The following MCF2 variants were observed in gnomAD, a reference collection of about 807,000 sequenced individuals.
MCF2 encodes the protein proto-oncogene DBL.
MCF2 carries 44 observed loss-of-function variants against 82.5 expected under a neutral mutation model. The observed-to-expected ratio is 0.53, with a 90% confidence interval of 0.42 to 0.69. The LOEUF (loss-of-function observed/expected upper bound fraction) is 0.69. Ranked by LOEUF, MCF2 falls within the 30% of genes least tolerant of loss-of-function variation. The probability of loss-of-function intolerance (pLI) is 0.00; values close to 1 mark genes in which losing one functional copy is unlikely to be tolerated. For missense variants in MCF2, 623 were observed against 663.1 expected, an observed-to-expected ratio of 0.94 and a Z score of 0.66; for synonymous variants, 217 against 224.9, an observed-to-expected ratio of 0.96 and a Z score of 0.32.
At chrX:139,619,827 T>C (rs1422366356) in intron 6 of MCF2, 121 bp from the exon 10 acceptor site, 8 of 509,892 alleles carry the variant, frequency 1.6e-5, no homozygotes, top group Non-Finnish European at 2.4e-5. Context: ...ATAAAAAATT[T>C]GGTTATTTTA....
At chrX:139,694,938 A>G (rs1233713819) in intron 1 of MCF2, among the ~76,000 whole-genome samples, 1 of 109,129 alleles carries the variant, frequency 9.2e-6, no homozygotes, top group Non-Finnish European at 1.9e-5. Flanking sequence ...TATCAATGCC[A>G]ATATTCTGCT....
Position 139,640,755 on chromosome X carries a change from T to C in MCF2, c.51+1713A>G, listed in dbSNP as rs370775581. On this transcript the variant is annotated intron_variant, in intron 1 of 24. Coordinates refer to ENST00000370576, the Ensembl canonical transcript of MCF2. ...GTCCTATCCATATAAGGAAAGCATATGTGTCTTCTACTATAGTTCTAGGCT... is the reference window on the plus strand; with the variant it reads ...GTCCTATCCATATAAGGAAAGCATACGTGTCTTCTACTATAGTTCTAGGCT... Among the ~76,000 whole-genome samples, 3 of 111,185 alleles carry C rather than the reference T, an allele frequency of 2.7e-5. No individual in the cohort carries two copies. The South Asian group carries it at 1.1e-3, about 43-fold the overall frequency.
intron 10 of MCF2, among the ~76,000 whole-genome samples, chrX:139,613,937 T>C (rs1201206863): frequency 9.0e-6 from 1 of 111,283 alleles, no homozygotes; most frequent in Non-Finnish European, 1.9e-5. Flanking sequence ...TTTGAAAATC[T>C]GATCCATGCT....
intron 1 of MCF2, among the ~76,000 whole-genome samples, chrX:139,653,285 C>A (rs1476677159): frequency 8.9e-6 from 1 of 111,959 alleles, no homozygotes; most frequent in Non-Finnish European, 1.9e-5. Context: ...GAGGAGCCTG[C>A]AAAAGTGGCA....
exon 19 of MCF2, chrX:139,596,559 T>C: frequency 8.3e-7 from 1 of 1,201,952 alleles, no homozygotes; most frequent in Non-Finnish European, 1.1e-6. Context: ...TTTCCAACAG[T>C]GTTTAAAACT....
intron 1 of MCF2, among the ~76,000 whole-genome samples, chrX:139,707,740 T>G (rs1186381198): frequency 9.0e-6 from 1 of 111,654 alleles, no homozygotes; most frequent in Admixed American, 9.6e-5. Flanking sequence ...GCACACCAGA[T>G]TTGTTATACT....
chrX:139,592,445 T>C (rs940696416), intron 19 of MCF2, among the ~76,000 whole-genome samples: 1 of 111,616 alleles, frequency 9.0e-6, no homozygotes, highest in African/African-American at 3.3e-5. Flanking sequence ...AAATTAAAGG[T>C]AAAATAGAAA....
intron 1 of MCF2, among the ~76,000 whole-genome samples, chrX:139,634,701 C>T (rs1394120864): frequency 8.9e-6 from 1 of 111,956 alleles, no homozygotes; most frequent in Non-Finnish European, 1.9e-5. Context: ...ATCTGAGAAA[C>T]GACTCCCCCT....
intron 1 of MCF2, among the ~76,000 whole-genome samples, chrX:139,689,803 G>A (rs1359554939): frequency 9.1e-6 from 1 of 109,926 alleles, no homozygotes; most frequent in African/African-American, 3.3e-5. Context: ...CCTAAGTGAA[G>A]CCAATCATTT....
intron 10 of MCF2, among the ~76,000 whole-genome samples, 170 bp downstream of exon 13, chrX:139,614,711 G>A (rs1198367380): frequency 1.8e-5 from 2 of 111,472 alleles, no homozygotes; most frequent in Non-Finnish European, 3.8e-5. Context: ...TTTTAGTACT[G>A]TACAATAACC....
At chrX:139,598,287 C>T (rs1219469555) in intron 17 of MCF2, 119 bp downstream of exon 21, 4 of 465,311 alleles carry the variant, frequency 8.6e-6, no homozygotes, top group Non-Finnish European at 1.4e-5. Context: ...CAAATCCAGC[C>T]TTCCCAGTCA....
At chrX:139,626,393 T>G (rs1932761719) in intron 5 of MCF2, 86 bp from the exon 9 acceptor site, 7 of 626,714 alleles carry the variant, frequency 1.1e-5, no homozygotes, top group Middle Eastern at 4.7e-4. Flanking sequence ...ACATTAAGAA[T>G]TATAGGCAAA....
At chrX:139,607,907 A>AT (rs1435130073) in intron 11 of MCF2, 128 bp from the exon 16 acceptor site, 2 of 443,803 alleles carry the variant, frequency 4.5e-6, no homozygotes, top group African/African-American at 5.0e-5. Context: ...TAAAACTATG[A>AT]TTTTTTTCAA....
chrX:139,653,192 A>G (rs1376594524), intron 1 of MCF2, among the ~76,000 whole-genome samples: 2 of 112,186 alleles, frequency 1.8e-5, no homozygotes, highest in East Asian at 5.6e-4. Context: ...CATGTGTCAC[A>G]TATTGACATT....
chrX:139,614,263 A>G (rs1265212044), intron 10 of MCF2, among the ~76,000 whole-genome samples: 1 of 111,926 alleles, frequency 8.9e-6, no homozygotes, highest in Non-Finnish European at 1.9e-5. Context: ...TAGGAGATTA[A>G]AACTAGAAAA....
At chrX:139,701,941 C>T (rs1935507353) in intron 1 of MCF2, among the ~76,000 whole-genome samples, 1 of 111,717 alleles carries the variant, frequency 9.0e-6, no homozygotes, top group Non-Finnish European at 1.9e-5. Flanking sequence ...ACACTTTGCT[C>T]CAACCGCGCT....
chrX:139,652,982 A>G (rs1432074399), intron 1 of MCF2, among the ~76,000 whole-genome samples: 1 of 111,946 alleles, frequency 8.9e-6, no homozygotes, highest in East Asian at 2.8e-4. Context: ...ATTTTAATTG[A>G]TGTTTATTTT....
At chrX:139,603,553 T>C (rs780737438) in intron 15 of MCF2, among the ~76,000 whole-genome samples, 1 of 112,541 alleles carries the variant, frequency 8.9e-6, no homozygotes, top group East Asian at 2.8e-4. Flanking sequence ...TAGAACATCT[T>C]AGCCGGACAC....
Position 139,596,542 on chromosome X carries a change from G to A in MCF2, c.2277+7C>T. The A allele has an allele frequency of 1.7e-6, 2 of 1,174,113 alleles. No individual in the cohort carries two copies. Among genetic ancestry groups the A allele is most frequent in the South Asian group, 1.8e-5 (1 of 55,994 alleles). On this transcript the variant is annotated splice_region_variant and intron_variant, in intron 19 of 24. Coordinates refer to ENST00000370576, the Ensembl canonical transcript of MCF2. ...AATACTACATTACCCGATACAAATT[G>A]TCTTACTTTCCAACAGTGTTTAAAA...
Sources: allele counts gnomAD v4.1 joint callset (sites outside exome capture counted in the v4.1 genomes callset), GRCh38; gene constraint gnomAD v4.1.1; transcripts MANE v1.5; gene names NCBI Gene and HGNC (gene_info 2026-07-23, HGNC 2026-07-21).